The following ANO2 variants were observed in gnomAD, a reference collection of about 807,000 sequenced individuals.
ANO2 encodes anoctamin 2.
In ANO2, 101 loss-of-function variants were observed where a neutral mutation model predicts 124.2. The ratio of observed to expected loss-of-function variants is 0.81; its 90% CI spans 0.69 to 0.96. The LOEUF (loss-of-function observed/expected upper bound fraction) is 0.96. Among genes scored for constraint, ANO2 ranks in the 40% least tolerant of loss-of-function variants. ANO2 has a pLI of 0.00. For synonymous variants in ANO2, 486 were observed against 482.5 expected, an observed-to-expected ratio of 1.01 and a Z score of -0.09; for missense variants, 1,293 against 1,274.5, an observed-to-expected ratio of 1.01 and a Z score of -0.22.
chr12:5,820,731 C>T (rs915796952), intron 7 of ANO2, among the ~76,000 whole-genome samples: 3 of 152,196 alleles, frequency 2.0e-5, no homozygotes, highest in Non-Finnish European at 4.4e-5. Context: ...CACCACATCC[C>T]TCTTCAACTC....
intron 20 of ANO2, among the ~76,000 whole-genome samples, chr12:5,585,275 TG>T (rs1943049822): frequency 6.6e-6 from 1 of 152,116 alleles, no homozygotes. Context: ...GGACAATATG[TG>T]GAATTCCTTT....
At chr12:5,752,368 C>A (rs1951464764) in intron 10 of ANO2, among the ~76,000 whole-genome samples, 1 of 152,184 alleles carries the variant, frequency 6.6e-6, no homozygotes, top group Admixed American at 6.5e-5. Context: ...TGCACCAACA[C>A]TTTTTATCTT....
chr12:5,614,798 G>A (rs1339252679), intron 17 of ANO2, among the ~76,000 whole-genome samples: 1 of 152,132 alleles, frequency 6.6e-6, no homozygotes, highest in African/African-American at 2.4e-5. Flanking sequence ...GTCTTGTGAG[G>A]GGCCGTGCCC....
At chr12:5,766,601 T>G (rs1268200808) in intron 10 of ANO2, among the ~76,000 whole-genome samples, 1 of 152,246 alleles carries the variant, frequency 6.6e-6, no homozygotes, top group African/African-American at 2.4e-5. Flanking sequence ...ATGTTTTTCC[T>G]TCATCTGGGT....
intron 3 of ANO2, among the ~76,000 whole-genome samples, chr12:5,861,828 A>C (rs1283882633): frequency 1.3e-5 from 2 of 152,092 alleles, no homozygotes; most frequent in Admixed American, 1.3e-4. Flanking sequence ...TCAAGATTGA[A>C]GCTCACACAG....
intron 20 of ANO2, among the ~76,000 whole-genome samples, chr12:5,597,989 G>C (rs1049802148): frequency 6.6e-6 from 1 of 152,176 alleles, no homozygotes; most frequent in African/African-American, 2.4e-5. Flanking sequence ...CTGGTGAGTT[G>C]TTTCAGATTA....
intron 14 of ANO2, among the ~76,000 whole-genome samples, chr12:5,723,156 T>C (rs1283323346): frequency 6.6e-6 from 1 of 152,084 alleles, no homozygotes; most frequent in African/African-American, 2.4e-5. Context: ...CCGGAGGTGG[T>C]AGTCAATCAG....
chr12:5,636,093 AT>A lies in ANO2; in HGVS notation c.1621-747del, dbSNP rs2136938905. Among the ~76,000 whole-genome samples the A allele has an allele frequency of 6.6e-6, 1 of 152,298 alleles. No homozygotes were observed. Among genetic ancestry groups the A allele is most frequent in the African/African-American group, 2.4e-5 (1 of 41,576 alleles). On this transcript the variant is annotated intron_variant, in intron 15 of 24. Coordinates refer to ENST00000682330, the MANE Select transcript of ANO2 (RefSeq NM_001364791.2). The surrounding 1 kb of genome is among the most constrained non-coding windows in gnomAD (Gnocchi z 4.6). The stretch of plus-strand genomic sequence containing the variant: ...TTGAAATGGAGGACTCAGATTCCTC[AT>A]TTGGTAGAGAAATGTCTAGCTGCTG...
At chr12:5,678,262 T>G (rs567563515) in intron 14 of ANO2, among the ~76,000 whole-genome samples, 1 of 152,274 alleles carries the variant, frequency 6.6e-6, no homozygotes, top group Non-Finnish European at 1.5e-5. Context: ...TGCATACGCT[T>G]GATGGCTATA....
chr12:5,813,220 T>C (rs1359320844), intron 7 of ANO2, among the ~76,000 whole-genome samples: 1 of 152,094 alleles, frequency 6.6e-6, no homozygotes, highest in African/African-American at 2.4e-5. Context: ...CAGATAGACT[T>C]GGTTATCTTT....
chr12:5,884,164 G>A (rs1938716445), intron 3 of ANO2, among the ~76,000 whole-genome samples: 1 of 152,186 alleles, frequency 6.6e-6, no homozygotes, highest in Non-Finnish European at 1.5e-5. Context: ...CCTCTCACCA[G>A]TCAAGGTGCA....
At chr12:5,928,430 CTAGTCTACTTTCCTTCCTCCG>C (rs1565788966) in intron 1 of ANO2, among the ~76,000 whole-genome samples, 2 of 81,022 alleles carry the variant, frequency 2.5e-5, no homozygotes, top group African/African-American at 6.8e-5. Context: ...TCCTTCCTCA[CTAGTCTACTTTCCTTCCTCCG>C]TAGTCTACTT....
intron 8 of ANO2, among the ~76,000 whole-genome samples, chr12:5,806,424 A>G (rs986856221): frequency 2.0e-5 from 3 of 152,230 alleles, no homozygotes; most frequent in African/African-American, 7.2e-5. Flanking sequence ...GTGCCATGAC[A>G]TGCTCACTCT....
At chr12:5,678,053 C>T (rs1591881195) in intron 14 of ANO2, among the ~76,000 whole-genome samples, 1 of 152,102 alleles carries the variant, frequency 6.6e-6, no homozygotes, top group Admixed American at 6.5e-5. Flanking sequence ...ACCCAGCTTC[C>T]CACCCTTAAG....
chr12:5,847,378 G>A (rs566073764), intron 4 of ANO2, among the ~76,000 whole-genome samples: 284 of 152,086 alleles, frequency 1.9e-3, no homozygotes, highest in African/African-American at 6.6e-3. Flanking sequence ...GGTCTCCATC[G>A]CATGAACTGC....
chr12:5,871,535 T>C (rs1285373897), intron 3 of ANO2, among the ~76,000 whole-genome samples: 2 of 152,142 alleles, frequency 1.3e-5, no homozygotes, highest in African/African-American at 2.4e-5. Context: ...CCACCTCCTG[T>C]CAGATAAGCA....
At chr12:5,887,839 C>G (rs939673471) in intron 3 of ANO2, among the ~76,000 whole-genome samples, 2 of 138,392 alleles carry the variant, frequency 1.4e-5, no homozygotes, top group Admixed American at 7.3e-5. Flanking sequence ...TTTTTTTTTT[C>G]TTTTTTTTTT....
chr12:5,793,934 G>C (rs187312999), intron 10 of ANO2, among the ~76,000 whole-genome samples: 2 of 152,334 alleles, frequency 1.3e-5, no homozygotes, highest in East Asian at 3.9e-4. Flanking sequence ...TGGAGGAAAT[G>C]AGAGAAAGGA....
chr12:5,592,583 G>C (rs533461293), intron 20 of ANO2, among the ~76,000 whole-genome samples: 2 of 152,158 alleles, frequency 1.3e-5, no homozygotes, highest in African/African-American at 4.8e-5. Context: ...AGTCTGTAGC[G>C]TTGAAGGATT....
Sources: gnomAD v4.1 joint callset for allele counts (sites outside exome capture counted in the v4.1 genomes callset) on GRCh38, gnomAD v4.1.1 for gene constraint, Gnocchi (gnomAD v3.1) non-coding constraint, MANE v1.5 for transcripts, NCBI Gene and HGNC (gene_info 2026-07-23, HGNC 2026-07-21) for gene names.